The following ACTR10 variants were observed in gnomAD, a reference collection of about 807,000 sequenced individuals.
ACTR10 encodes actin related protein 10.
In ACTR10, 43 loss-of-function variants were observed where a neutral mutation model predicts 56.2. That is an observed-to-expected ratio of 0.77 (90% confidence interval 0.60 to 0.99). The LOEUF (loss-of-function observed/expected upper bound fraction) is 0.99. ACTR10 is among the 50% of genes least tolerant of loss of function. The pLI is 0.00. For synonymous variants in ACTR10, 170 were observed against 176.3 expected (o/e 0.96, Z 0.28); for missense variants, 466 against 507.8 (o/e 0.92, Z 0.79).
chr14:58,234,783 G>T lies in ACTR10; in HGVS notation c.*232G>T. On this transcript the variant is annotated 3_prime_UTR_variant, in exon 13 of 13. Coordinates refer to ENST00000254286, the MANE Select transcript of ACTR10 (RefSeq NM_018477.3). ...GCTGTATTTATATCAATAAAGTATA[G>T]TAAAGCAGTTTGATTTTGGAAGTTT... The T allele has an allele frequency of 9.9e-5, 22 of 222,646 alleles. No homozygotes were observed. Among genetic ancestry groups the T allele is most frequent in the East Asian group, 1.9e-4 (2 of 10,562 alleles). 13.8% of individuals were successfully genotyped at this position (222,646 alleles called of 1,614,324 possible).
chr14:58,226,160 G>A (rs1889393827), intron 10 of ACTR10, among the ~76,000 whole-genome samples: 1 of 152,112 alleles, frequency 6.6e-6, no homozygotes, highest in Admixed American at 6.5e-5. Flanking sequence ...CTAGCCTTTA[G>A]GAAGCTGAGG....
chr14:58,233,271 T>C (rs1340271757), intron 12 of ACTR10, among the ~76,000 whole-genome samples: 2 of 152,196 alleles, frequency 1.3e-5, no homozygotes, highest in Non-Finnish European at 2.9e-5. Flanking sequence ...GTGACTGAGT[T>C]CATTAAATGT....
At chr14:58,212,383 A>G (rs571370748) in intron 5 of ACTR10, among the ~76,000 whole-genome samples, 2 of 152,354 alleles carry the variant, frequency 1.3e-5, no homozygotes, top group East Asian at 3.9e-4. Context: ...AGCAGAGTAT[A>G]GATGAGCATC....
At chr14:58,208,878 A>G (rs1888927942) in intron 3 of ACTR10, 121 bp from the exon 4 acceptor site, 1 of 622,252 alleles carries the variant, frequency 1.6e-6, no homozygotes, top group East Asian at 2.7e-5. Flanking sequence ...TAAAATGAAG[A>G]TGTCTTTTTG....
At chr14:58,208,722 A>T (rs956352190) in intron 3 of ACTR10, among the ~76,000 whole-genome samples, 23 of 151,780 alleles carry the variant, frequency 1.5e-4, no homozygotes. Context: ...CTGTCTCAAA[A>T]AAAAAAAAAA....
At chr14:58,231,745 AC>A (rs946469113) in intron 11 of ACTR10, among the ~76,000 whole-genome samples, 1 of 152,194 alleles carries the variant, frequency 6.6e-6, no homozygotes, top group Non-Finnish European at 1.5e-5. Flanking sequence ...TCTTTGCCCT[AC>A]TTAATCATTG....
intron 10 of ACTR10, among the ~76,000 whole-genome samples, chr14:58,224,079 T>G (rs1889344470): frequency 6.6e-6 from 1 of 152,050 alleles, no homozygotes; most frequent in Non-Finnish European, 1.5e-5. Context: ...CGGCTCACTG[T>G]AACCTTCATC....
Position 58,223,713 on chromosome 14 carries a change from A to C in ACTR10, c.714+12A>C, listed in dbSNP as rs1215196713. 1.2e-6 allele frequency: 2 copies of C among 1,606,776 alleles called. No individual in the cohort carries two copies. Among genetic ancestry groups the C allele is most frequent in the South Asian group, 2.3e-5 (2 of 88,880 alleles). ...ATGGGAATAATGAGGTAAGTTTAAA[A>C]AAAAAAAAGGCATCTTTTTGCAAAG... On this transcript the variant is annotated intron_variant, in intron 9 of 12. Coordinates refer to ENST00000254286, the MANE Select transcript of ACTR10 (RefSeq NM_018477.3).
chr14:58,208,772 A>G (rs1393206302), intron 3 of ACTR10, among the ~76,000 whole-genome samples: 1 of 152,048 alleles, frequency 6.6e-6, no homozygotes, highest in East Asian at 1.9e-4. Context: ...ATAGTAGGCT[A>G]TAATTTTAGG....
chr14:58,223,734 C>G, intron 9 of ACTR10, 33 bp downstream of exon 9: 1 of 1,594,994 alleles, frequency 6.3e-7, no homozygotes, highest in South Asian at 1.1e-5. Context: ...CATCTTTTTG[C>G]AAAGGTTACA....
intron 10 of ACTR10, among the ~76,000 whole-genome samples, chr14:58,224,626 A>G (rs1047312132): frequency 6.6e-6 from 1 of 152,156 alleles, no homozygotes; most frequent in Non-Finnish European, 1.5e-5. Context: ...CATGAAACTA[A>G]CCATTCTTTG....
chr14:58,215,138 G>C, intron 6 of ACTR10, 67 bp from the exon 7 acceptor site: 1 of 969,760 alleles, frequency 1.0e-6, no homozygotes, highest in South Asian at 1.6e-5. Context: ...TTATGTAGTT[G>C]AAAGTATCAA....
chr14:58,210,908 CG>C (rs1888977412), intron 4 of ACTR10, among the ~76,000 whole-genome samples: 1 of 152,124 alleles, frequency 6.6e-6, no homozygotes, highest in African/African-American at 2.4e-5. Flanking sequence ...CTCCTGACCT[CG>C]GGTGATCCGC....
chr14:58,219,657 TAA>T, intron 7 of ACTR10, 35 bp from the exon 8 acceptor site: 1 of 1,338,134 alleles, frequency 7.5e-7, no homozygotes, highest in Non-Finnish European at 1.0e-6. Flanking sequence ...TTTTAATTAT[TAA>T]AGTTTTATAA....
intron 7 of ACTR10, among the ~76,000 whole-genome samples, chr14:58,216,460 C>A (rs116547244): frequency 0.018 from 2,754 of 152,212 alleles, 85 homozygotes; most frequent in African/African-American, 0.063. Context: ...AAATACATTG[C>A]TCTTTTGCTT....
In ACTR10 at chr14:58,200,178, C is replaced by T. The variant is rs199915707; in HGVS notation, c.-40C>T. 6 of 1,444,092 alleles carry T rather than the reference C, an allele frequency of 4.2e-6. No homozygotes were observed. The African/African-American group carries it at 5.8e-5, about 14-fold the overall frequency. 89.5% of individuals were successfully genotyped at this position (1,444,092 alleles called of 1,614,324 possible). On this transcript the variant is annotated 5_prime_UTR_variant, in exon 1 of 13. Transcript: ENST00000254286. ...CGCGAGCGCCGAGACTTGTTGGCCG[C>T]GGAGACTGCGACCCTCTTCTCTCAG...
chr14:58,200,192 C>T lies in ACTR10; in HGVS notation c.-26C>T, dbSNP rs556730507. On this transcript the variant is annotated 5_prime_UTR_variant, in exon 1 of 13. Transcript: ENST00000254286. ...CTTGTTGGCCGCGGAGACTGCGACCCTCTTCTCTCAGTCTGCCTTACTACC... is the reference window on the plus strand; with the variant it reads ...CTTGTTGGCCGCGGAGACTGCGACCTTCTTCTCTCAGTCTGCCTTACTACC... 3.5e-5 allele frequency: 53 copies of T among 1,500,868 alleles called. No individual in the cohort carries two copies. Among genetic ancestry groups the T allele is most frequent in the East Asian group, 3.0e-4 (11 of 36,752 alleles). 93.0% of individuals were successfully genotyped at this position (1,500,868 alleles called of 1,614,324 possible). A position where few individuals can be genotyped will look rare whatever the true frequency, so the allele number is the denominator to read the frequency against.
At position 58,232,284 on chromosome 14, in the gene ACTR10, T is replaced by C. The variant is rs1193728281; in HGVS notation, c.1072+17T>C. On this transcript the variant is annotated intron_variant, in intron 12 of 12. Coordinates refer to ENST00000254286, the MANE Select transcript of ACTR10 (RefSeq NM_018477.3). ...GGTTGGGAGGTAAGAATTTCACTTT[T>C]AAAATATAATGATTATATAGTATTT... is the stretch of plus-strand genomic sequence containing the variant. 1 of 1,593,934 alleles carries C rather than the reference T, an allele frequency of 6.3e-7. No homozygotes were observed. Among genetic ancestry groups the C allele is most frequent in the Non-Finnish European group, 8.6e-7 (1 of 1,164,658 alleles).
chr14:58,231,897 AAG>A (rs551748346), intron 11 of ACTR10, among the ~76,000 whole-genome samples, 167 bp from the exon 12 acceptor site: 2 of 152,136 alleles, frequency 1.3e-5, no homozygotes, highest in Non-Finnish European at 2.9e-5. Context: ...TGCTACATGA[AAG>A]AAACCTTGCT....
Sources: allele counts gnomAD v4.1 joint callset (sites outside exome capture counted in the v4.1 genomes callset), GRCh38; gene constraint gnomAD v4.1.1; transcripts MANE v1.5; gene names NCBI Gene and HGNC (gene_info 2026-07-23, HGNC 2026-07-21).